The following HHAT variants were observed in gnomAD, a reference collection of about 807,000 sequenced individuals.
The protein encoded by HHAT is protein-cysteine N-palmitoyltransferase HHAT.
In HHAT, 47 loss-of-function variants were observed where a neutral mutation model predicts 70.8. That is an observed-to-expected ratio of 0.66 (90% CI 0.53 to 0.85). HHAT has a LOEUF of 0.85. HHAT is among the 40% of genes least tolerant of loss of function. HHAT has a pLI of 0.00. For synonymous variants in HHAT, 228 were observed against 247.6 expected, an observed-to-expected ratio of 0.92 and a Z score of 0.74; for missense variants, 609 against 604.8, an observed-to-expected ratio of 1.01 and a Z score of -0.07.
At chr1:210,608,169 G>A (rs992671933) in intron 10 of HHAT, among the ~76,000 whole-genome samples, 5 of 152,096 alleles carry the variant, frequency 3.3e-5, no homozygotes, top group Non-Finnish European at 7.3e-5. Context: ...CCTCGTACAT[G>A]TGTGTACGTG....
At chr1:210,645,945 C>G (rs1673963865) in intron 11 of HHAT, among the ~76,000 whole-genome samples, 1 of 152,162 alleles carries the variant, frequency 6.6e-6, no homozygotes, top group South Asian at 2.1e-4. Flanking sequence ...AGATTTCCAT[C>G]AGGAGTTTAG....
intron 9 of HHAT, among the ~76,000 whole-genome samples, chr1:210,547,250 C>A (rs533890198): frequency 3.9e-5 from 6 of 152,122 alleles, no homozygotes; most frequent in Non-Finnish European, 8.8e-5. Context: ...TGCTTGAACC[C>A]GGGAGGCAGA....
intron 1 of HHAT, 38 bp downstream of exon 1, chr1:210,329,142 T>C (rs1325818240): frequency 3.9e-6 from 5 of 1,284,914 alleles, no homozygotes; most frequent in East Asian, 3.1e-5. Flanking sequence ...CTGGGGAGGT[T>C]AGATGCTGAA....
At chr1:210,343,300 T>G (rs901063391) in intron 1 of HHAT, among the ~76,000 whole-genome samples, 1 of 152,190 alleles carries the variant, frequency 6.6e-6, no homozygotes, top group African/African-American at 2.4e-5. Flanking sequence ...CTTTGCTCCC[T>G]AGAAGCAGGG....
At chr1:210,533,587 C>T (rs534154840) in intron 9 of HHAT, among the ~76,000 whole-genome samples, 206 of 152,316 alleles carry the variant, frequency 1.4e-3, no homozygotes, top group African/African-American at 4.8e-3. Flanking sequence ...AGAGCTTCTC[C>T]ATCCTATCCT....
intron 9 of HHAT, among the ~76,000 whole-genome samples, chr1:210,579,647 C>G (rs1006349539): frequency 6.6e-6 from 1 of 152,174 alleles, no homozygotes; most frequent in Non-Finnish European, 1.5e-5. Flanking sequence ...GTTTACTTGA[C>G]AAGTTCGAGG....
chr1:210,496,914 A>G (rs749481836), intron 8 of HHAT, among the ~76,000 whole-genome samples: 2 of 152,128 alleles, frequency 1.3e-5, no homozygotes, highest in Admixed American at 6.5e-5. Flanking sequence ...CCTTTTACCT[A>G]TCTGGTCATC....
intron 4 of HHAT, among the ~76,000 whole-genome samples, chr1:210,397,866 A>G (rs2091878443): frequency 6.6e-6 from 1 of 152,196 alleles, no homozygotes; most frequent in Non-Finnish European, 1.5e-5. Flanking sequence ...AGGTATGTGC[A>G]TGGGAGGGAT....
intron 8 of HHAT, among the ~76,000 whole-genome samples, chr1:210,492,783 G>C (rs898317456): frequency 1.3e-5 from 2 of 152,126 alleles, no homozygotes; most frequent in Non-Finnish European, 2.9e-5. Context: ...CATTTTAGTA[G>C]CAACTGGCTA....
intron 9 of HHAT, among the ~76,000 whole-genome samples, chr1:210,557,713 C>G (rs535767056): frequency 6.6e-6 from 1 of 152,138 alleles, no homozygotes; most frequent in East Asian, 1.9e-4. Flanking sequence ...TTCACTATCA[C>G]GAGAACAGCA....
chr1:210,437,735 C>T (rs1170691253), intron 7 of HHAT, among the ~76,000 whole-genome samples: 2 of 151,818 alleles, frequency 1.3e-5, no homozygotes, highest in Admixed American at 6.5e-5. Flanking sequence ...CCCCTGGGCT[C>T]ATTTTGAGGT....
chr1:210,566,968 T>C (rs1364477966), intron 9 of HHAT, among the ~76,000 whole-genome samples: 2 of 152,232 alleles, frequency 1.3e-5, no homozygotes, highest in South Asian at 2.1e-4. Flanking sequence ...CCATTTGGGC[T>C]TTGGGAGTCG....
chr1:210,468,863 T>C (rs1402620583), intron 8 of HHAT, among the ~76,000 whole-genome samples: 1 of 150,950 alleles, frequency 6.6e-6, no homozygotes, highest in Non-Finnish European at 1.5e-5. Flanking sequence ...AAAATACTGC[T>C]TTTTTTTTGG....
At chr1:210,485,346 A>G (rs962663087) in intron 8 of HHAT, among the ~76,000 whole-genome samples, 14 of 152,156 alleles carry the variant, frequency 9.2e-5, no homozygotes, top group Admixed American at 7.2e-4. Flanking sequence ...GTCAGCCGCA[A>G]TAGACTTCTT....
intron 11 of HHAT, among the ~76,000 whole-genome samples, chr1:210,670,749 G>C (rs528855020): frequency 6.6e-6 from 1 of 152,320 alleles, no homozygotes; most frequent in East Asian, 1.9e-4. Context: ...CTGTGGGCAT[G>C]TAACAATTAT....
At chr1:210,456,463 T>A (rs1195008847) in intron 7 of HHAT, among the ~76,000 whole-genome samples, 2 of 152,154 alleles carry the variant, frequency 1.3e-5, no homozygotes, top group African/African-American at 4.8e-5. Flanking sequence ...CACCAGAGGG[T>A]CAACTACCGG....
At chr1:210,345,296 G>A (rs1181535680) in intron 1 of HHAT, among the ~76,000 whole-genome samples, 1 of 152,024 alleles carries the variant, frequency 6.6e-6, no homozygotes, top group Non-Finnish European at 1.5e-5. Flanking sequence ...ATGAATGAAT[G>A]AATACAAATT....
At chr1:210,507,366 T>G (rs539157549) in intron 8 of HHAT, among the ~76,000 whole-genome samples, 1 of 148,334 alleles carries the variant, frequency 6.7e-6, no homozygotes, top group Admixed American at 6.7e-5. Flanking sequence ...TTTCTTTTTT[T>G]TTTTTTTTTT....
chr1:210,507,165 A>G (rs2094870750), intron 8 of HHAT, among the ~76,000 whole-genome samples: 1 of 152,124 alleles, frequency 6.6e-6, no homozygotes, highest in Admixed American at 6.5e-5. Flanking sequence ...GGGAATAAAG[A>G]CACAAGCCTT....
Sources: gnomAD v4.1 joint callset for allele counts (sites outside exome capture counted in the v4.1 genomes callset) on GRCh38, gnomAD v4.1.1 for gene constraint, MANE v1.5 for transcripts, NCBI Gene and HGNC (gene_info 2026-07-23, HGNC 2026-07-21) for gene names.